The following DAB1 variants were observed in gnomAD, a reference collection of about 807,000 sequenced individuals.
The protein encoded by DAB1 is DAB adaptor protein 1, also known as disabled homolog 1.
In DAB1, 15 loss-of-function variants were observed where a neutral mutation model predicts 64.6. That is an observed-to-expected ratio of 0.23 (90% confidence interval 0.16 to 0.36). The LOEUF (loss-of-function observed/expected upper bound fraction) is 0.36. Among genes scored for constraint, DAB1 ranks in the 10% least tolerant of loss-of-function variants. The probability of loss-of-function intolerance (pLI) is 1.00; values close to 1 mark genes in which losing one functional copy is unlikely to be tolerated. For missense variants in DAB1, 596 were observed against 706.7 expected (o/e 0.84, Z 1.78); for synonymous variants, 235 against 251.9 (o/e 0.93, Z 0.64).
At chr1:57,717,374 T>C (rs114985148) in intron 6 of DAB1, among the ~76,000 whole-genome samples, 2,224 of 151,726 alleles carry the variant, frequency 0.015, 67 homozygotes, top group African/African-American at 0.05. Flanking sequence ...TGAGATATCA[T>C]CTCATCCCAG....
At chr1:57,840,990 T>G (rs759671215) in intron 1 of DAB1, among the ~76,000 whole-genome samples, 12 of 152,202 alleles carry the variant, frequency 7.9e-5, no homozygotes, top group Non-Finnish European at 1.8e-4. Flanking sequence ...AAGTCTCATC[T>G]GAGACAAGGC....
At chr1:57,448,920 AT>A (rs1283183987) in intron 7 of DAB1, among the ~76,000 whole-genome samples, 1 of 152,004 alleles carries the variant, frequency 6.6e-6, no homozygotes, top group Non-Finnish European at 1.5e-5. Flanking sequence ...TTACATGTTC[AT>A]TTTCCCAAAT....
chr1:57,464,318 T>C (rs1385600446), intron 7 of DAB1, among the ~76,000 whole-genome samples: 1 of 152,138 alleles, frequency 6.6e-6, no homozygotes, highest in Non-Finnish European at 1.5e-5. Context: ...CTCCTTATTC[T>C]TTATTGCCAC....
intron 6 of DAB1, among the ~76,000 whole-genome samples, chr1:57,737,047 A>G (rs1570781229): frequency 6.6e-6 from 1 of 152,172 alleles, no homozygotes; most frequent in African/African-American, 2.4e-5. Flanking sequence ...TTTCCGAGCC[A>G]GGATAGAGCT....
intron 1 of DAB1, among the ~76,000 whole-genome samples, chr1:57,882,401 G>A (rs1569912334): frequency 6.6e-6 from 1 of 152,118 alleles, no homozygotes; most frequent in South Asian, 2.1e-4. Flanking sequence ...CTAGACTATG[G>A]AACAGCCTCC....
intron 5 of DAB1, among the ~76,000 whole-genome samples, chr1:58,142,961 A>T (rs545321250): frequency 2.0e-5 from 3 of 151,960 alleles, no homozygotes; most frequent in African/African-American, 7.2e-5. Flanking sequence ...GACCTGTAGC[A>T]TCAGCTTCAC....
At chr1:57,776,284 C>T (rs1649794681) in intron 6 of DAB1, among the ~76,000 whole-genome samples, 1 of 100,118 alleles carries the variant, frequency 1.0e-5, no homozygotes, top group Admixed American at 1.1e-4. Flanking sequence ...TGCAAATATT[C>T]CAAATTCCAA....
chr1:57,528,020 C>T (rs1369414310), intron 7 of DAB1, among the ~76,000 whole-genome samples: 3 of 151,938 alleles, frequency 2.0e-5, no homozygotes, highest in African/African-American at 7.3e-5. Flanking sequence ...AATTGGCTTA[C>T]AGATGATAAA....
intron 4 of DAB1, among the ~76,000 whole-genome samples, chr1:58,242,008 A>C (rs759389776): frequency 6.6e-6 from 1 of 152,136 alleles, no homozygotes; most frequent in Non-Finnish European, 1.5e-5. Flanking sequence ...TAAAAATGAT[A>C]AATGTTCAAG....
At chr1:57,036,238 A>G (rs532053172) in intron 9 of DAB1, among the ~76,000 whole-genome samples, 1 of 151,762 alleles carries the variant, frequency 6.6e-6, no homozygotes, top group East Asian at 1.9e-4. Context: ...CACTTCCTAG[A>G]CCTCCCATCC....
chr1:58,149,226 G>C (rs898926094), intron 5 of DAB1, among the ~76,000 whole-genome samples: 5 of 152,052 alleles, frequency 3.3e-5, no homozygotes, highest in Non-Finnish European at 7.4e-5. Context: ...TGATAGGTAT[G>C]AACAAAAAAT....
intron 3 of DAB1, among the ~76,000 whole-genome samples, chr1:58,499,700 GTTTGA>G (rs1645871257): frequency 6.6e-6 from 1 of 151,880 alleles, no homozygotes; most frequent in South Asian, 2.1e-4. Context: ...ATCTTAGTTG[GTTTGA>G]TTTAACCATT....
At chr1:58,476,083 C>T (rs1315256510) in intron 3 of DAB1, among the ~76,000 whole-genome samples, 3 of 152,148 alleles carry the variant, frequency 2.0e-5, no homozygotes, top group East Asian at 1.9e-4. Flanking sequence ...TAGACCAATG[C>T]TGCCCAGGAC....
chr1:57,243,712 G>T (rs935710115), intron 2 of DAB1, among the ~76,000 whole-genome samples: 2 of 152,158 alleles, frequency 1.3e-5, no homozygotes, highest in African/African-American at 4.8e-5. Flanking sequence ...GGTCTCCAGA[G>T]AAATTCATTG....
intron 5 of DAB1, among the ~76,000 whole-genome samples, chr1:58,064,131 C>G (rs1034703239): frequency 6.6e-6 from 1 of 152,104 alleles, no homozygotes; most frequent in African/African-American, 2.4e-5. Flanking sequence ...AGCCAAGGAA[C>G]CAGCTATAGA....
chr1:57,462,275 A>G (rs1686810763), intron 7 of DAB1, among the ~76,000 whole-genome samples: 2 of 152,162 alleles, frequency 1.3e-5, no homozygotes, highest in African/African-American at 2.4e-5. Flanking sequence ...GTGTAAGTGT[A>G]AAAGGAATGG....
intron 4 of DAB1, among the ~76,000 whole-genome samples, chr1:58,266,022 A>C (rs1467727087): frequency 7.9e-6 from 1 of 126,638 alleles, no homozygotes; most frequent in Non-Finnish European, 1.6e-5. Flanking sequence ...GTCTCTATAC[A>C]CACACACACA....
chr1:58,089,874 G>A (rs755109950), intron 5 of DAB1, among the ~76,000 whole-genome samples: 1 of 152,184 alleles, frequency 6.6e-6, no homozygotes, highest in Non-Finnish European at 1.5e-5. Flanking sequence ...TCCGCTGGGG[G>A]CAGACAAGAA....
At chr1:57,961,240 T>C (rs570714101) in intron 5 of DAB1, among the ~76,000 whole-genome samples, 1 of 152,308 alleles carries the variant, frequency 6.6e-6, no homozygotes, top group African/African-American at 2.4e-5. Flanking sequence ...TGTATACATT[T>C]GTATATAGGT....
Sources: allele counts gnomAD v4.1 joint callset (sites outside exome capture counted in the v4.1 genomes callset), GRCh38; gene constraint gnomAD v4.1.1; transcripts MANE v1.5; gene names NCBI Gene and HGNC (gene_info 2026-07-23, HGNC 2026-07-21).